DAB1: variants seen among roughly 807,000 people sequenced by gnomAD.
DAB1 encodes the protein DAB adaptor protein 1, also known as disabled homolog 1.
A neutral mutation model predicts 64.6 loss-of-function variants in DAB1; 15 were observed. The ratio of observed to expected loss-of-function variants is 0.23; its 90% CI spans 0.16 to 0.36. The LOEUF (loss-of-function observed/expected upper bound fraction) is 0.36, where lower values mean the gene tolerates loss of function less well. DAB1 is among the 10% of genes least tolerant of loss of function. The pLI is 1.00. For synonymous variants in DAB1, 235 were observed against 251.9 expected, an observed-to-expected ratio of 0.93 and a Z score of 0.64; for missense variants, 596 against 706.7, an observed-to-expected ratio of 0.84 and a Z score of 1.78.
chr1:57,607,920 C>T (rs1168916137), intron 7 of DAB1, among the ~76,000 whole-genome samples: 1 of 152,102 alleles, frequency 6.6e-6, no homozygotes, highest in Non-Finnish European at 1.5e-5. Context: ...TAGTCACCAG[C>T]CAGGCAGAAC....
At chr1:57,016,791 T>C (rs57172704) in intron 11 of DAB1, among the ~76,000 whole-genome samples, 6,682 of 152,202 alleles carry the variant, frequency 0.044, 153 homozygotes, top group African/African-American at 0.064. Context: ...AATAGTAACA[T>C]AGTAACAGCA....
intron 7 of DAB1, among the ~76,000 whole-genome samples, chr1:57,576,998 A>G (rs966437415): frequency 6.6e-6 from 1 of 152,194 alleles, no homozygotes; most frequent in Admixed American, 6.5e-5. Context: ...GCAAATTAAT[A>G]ATGTAAACAA....
chr1:57,378,125 G>T (rs1156961555), intron 1 of DAB1, among the ~76,000 whole-genome samples: 1 of 152,200 alleles, frequency 6.6e-6, no homozygotes, highest in Non-Finnish European at 1.5e-5. Context: ...GTTTCTCAGA[G>T]CTCAGAGCAG....
chr1:58,325,171 G>T (rs1201385131), intron 4 of DAB1, among the ~76,000 whole-genome samples: 1 of 152,174 alleles, frequency 6.6e-6, no homozygotes, highest in Admixed American at 6.5e-5. Flanking sequence ...AAGCCTAAAG[G>T]AGCTGATTCA....
chr1:57,913,327 A>C lies in DAB1; in HGVS notation n.388-29165T>G, dbSNP rs190852219. On this transcript the variant is annotated intron_variant and non_coding_transcript_variant, in intron 5 of 20. Coordinates refer to the DAB1 transcript ENST00000485760. The stretch of plus-strand genomic sequence containing the variant: ...TATCTGATCTTTGACAACCCTGACA[A>C]AAACAAGAAATGGGGAAAGGATTCC... Among the ~76,000 whole-genome samples, 193 of 152,336 alleles carry C rather than the reference A, an allele frequency of 1.3e-3. 3 individuals are homozygous for C. Among genetic ancestry groups the C allele is most frequent in the Admixed American group, 0.012 (187 of 15,296 alleles).
chr1:57,652,393 C>T (rs1163273059), intron 6 of DAB1, among the ~76,000 whole-genome samples: 1 of 152,074 alleles, frequency 6.6e-6, no homozygotes, highest in Non-Finnish European at 1.5e-5. Flanking sequence ...CCCCAAACTA[C>T]CTTTGAAAAA....
intron 6 of DAB1, among the ~76,000 whole-genome samples, chr1:57,711,821 G>A (rs754977224): frequency 6.6e-6 from 1 of 152,112 alleles, no homozygotes; most frequent in Non-Finnish European, 1.5e-5. Context: ...TTTAATAAGA[G>A]GCATGTCTAT....
chr1:57,678,562 C>T (rs1646596045), intron 6 of DAB1, among the ~76,000 whole-genome samples: 1 of 152,068 alleles, frequency 6.6e-6, no homozygotes, highest in African/African-American at 2.4e-5. Context: ...CAGAGAAATA[C>T]CTCTAGAGAT....
chr1:57,088,633 G>A (rs1175676216), intron 4 of DAB1, among the ~76,000 whole-genome samples: 3 of 152,090 alleles, frequency 2.0e-5, no homozygotes, highest in Non-Finnish European at 4.4e-5. Context: ...CCAGCTTTTT[G>A]GGATTTTTCA....
At chr1:57,599,456 T>C (rs1377936974) in intron 7 of DAB1, among the ~76,000 whole-genome samples, 1 of 151,800 alleles carries the variant, frequency 6.6e-6, no homozygotes, top group Admixed American at 6.6e-5. Flanking sequence ...GCCGTTATAA[T>C]GCAGGGTCTG....
At chr1:57,377,151 C>A (rs1680963496) in intron 1 of DAB1, among the ~76,000 whole-genome samples, 1 of 151,976 alleles carries the variant, frequency 6.6e-6, no homozygotes, top group African/African-American at 2.4e-5. Context: ...GTGCCTGTAA[C>A]CTCAGCTACG....
At chr1:57,526,816 C>T (rs908119624) in intron 7 of DAB1, among the ~76,000 whole-genome samples, 1 of 152,148 alleles carries the variant, frequency 6.6e-6, no homozygotes, top group Non-Finnish European at 1.5e-5. Context: ...CTTTCTCAAA[C>T]ATAATTTCAT....
At chr1:57,276,531 GT>G (rs1420778812) in intron 2 of DAB1, among the ~76,000 whole-genome samples, 2 of 152,188 alleles carry the variant, frequency 1.3e-5, no homozygotes, top group African/African-American at 4.8e-5. Context: ...AATAAAATAT[GT>G]TTGTAATGTG....
At chr1:58,014,561 G>C (rs1010875359) in intron 5 of DAB1, among the ~76,000 whole-genome samples, 1 of 152,164 alleles carries the variant, frequency 6.6e-6, no homozygotes, top group Admixed American at 6.5e-5. Context: ...ATGCTGTCAA[G>C]TTTTATAACT....
intron 7 of DAB1, among the ~76,000 whole-genome samples, chr1:57,580,209 G>A (rs1645296920): frequency 6.6e-6 from 1 of 152,170 alleles, no homozygotes; most frequent in African/African-American, 2.4e-5. Flanking sequence ...TCTCAAGAAG[G>A]AAAACTGAGC....
intron 3 of DAB1, among the ~76,000 whole-genome samples, chr1:58,479,849 T>C (rs55928139): frequency 0.048 from 7,269 of 152,216 alleles, 219 homozygotes; most frequent in African/African-American, 0.061. Context: ...CTATTTGTCA[T>C]TGTAAAGTGA....
At chr1:57,913,806 A>G (rs1465338501) in intron 5 of DAB1, among the ~76,000 whole-genome samples, 1 of 152,224 alleles carries the variant, frequency 6.6e-6, no homozygotes. Context: ...ACACTTCTCA[A>G]AAGAAGACAT....
chr1:58,077,976 T>G (rs1372390048), intron 5 of DAB1: 6 of 152,268 alleles, frequency 3.9e-5, no homozygotes, highest in Non-Finnish European at 7.3e-5. Context: ...TAATTCACTT[T>G]GTCTTTCTGC....
intron 3 of DAB1, among the ~76,000 whole-genome samples, chr1:58,394,918 C>T (rs903950820): frequency 6.6e-6 from 1 of 150,614 alleles, no homozygotes; most frequent in Non-Finnish European, 1.5e-5. Flanking sequence ...GTTATAAAGC[C>T]GATTTTAAAA....
Sources: allele counts gnomAD v4.1 joint callset (sites outside exome capture counted in the v4.1 genomes callset), GRCh38; gene constraint gnomAD v4.1.1; transcripts MANE v1.5; gene names NCBI Gene and HGNC (gene_info 2026-07-23, HGNC 2026-07-21).